Variants in RFX4 observed in about 807,000 individuals in gnomAD.
The protein encoded by RFX4 is regulatory factor X4.
RFX4 carries 10 observed loss-of-function variants against 95.0 expected under a neutral mutation model. That is an observed-to-expected ratio of 0.11 (90% CI 0.06 to 0.18). The LOEUF (loss-of-function observed/expected upper bound fraction) is 0.18. Among genes scored for constraint, RFX4 ranks in the 10% least tolerant of loss-of-function variants. The pLI is 1.00. For synonymous variants in RFX4, 321 were observed against 340.7 expected (o/e 0.94, Z 0.64); for missense variants, 640 against 922.0 (o/e 0.69, Z 3.96).
At chr12:106,734,903 G>A (rs2042681157) in intron 15 of RFX4, among the ~76,000 whole-genome samples, 1 of 151,906 alleles carries the variant, frequency 6.6e-6, no homozygotes, top group Admixed American at 6.6e-5. Context: ...CTCTACACAA[G>A]CTTTTTAAAA....
chr12:106,733,284 A>C lies in RFX4; in HGVS notation c.1633+199A>C, dbSNP rs2042648212. On this transcript the variant is annotated intron_variant, in intron 15 of 17. Transcript: ENST00000392842. ...CCAGGAGCTACGATCGCACCACTGCATTCTAGCCTTAGTGATACAGTGAGA... is the reference window on the plus strand; with the variant it reads ...CCAGGAGCTACGATCGCACCACTGCCTTCTAGCCTTAGTGATACAGTGAGA... The C allele has an allele frequency of 2.6e-5, 14 of 547,190 alleles. No individual in the cohort carries two copies. In the South Asian group the frequency reaches 3.3e-4, roughly 13 times the overall value. The allele number at this position is 547,190 out of a possible 1,614,324, so 33.9% of individuals were successfully genotyped here. A position where few individuals can be genotyped will look rare whatever the true frequency, so the allele number is the denominator to read the frequency against.
Position 106,583,386 on chromosome 12 carries a change from G to T in RFX4, c.43+23G>T, listed in dbSNP as rs73390190. ...CAGGTTAGTCCTACTGGCGGGGTTG[G>T]GGGGATACATTGGGAGGGAAGGAGA... On this transcript the variant is annotated intron_variant, in intron 1 of 17. Transcript: ENST00000392842. 4.1e-4 allele frequency: 632 copies of T among 1,553,266 alleles called. 4 individuals carry two copies. In the African/African-American group the frequency reaches 7.9e-3, roughly 19 times the overall value.
chr12:106,710,531 A>G (rs2042172669), intron 9 of RFX4, among the ~76,000 whole-genome samples: 1 of 152,176 alleles, frequency 6.6e-6, no homozygotes, highest in Non-Finnish European at 1.5e-5. Context: ...CTCTGAGTAC[A>G]AATTAGAATA....
At chr12:106,614,952 T>C (rs559305317) in intron 2 of RFX4, among the ~76,000 whole-genome samples, 9 of 152,238 alleles carry the variant, frequency 5.9e-5, no homozygotes, top group Non-Finnish European at 1.2e-4. Flanking sequence ...GTTGCTTTTA[T>C]ATTCTCATAA....
At chr12:106,697,139 T>C (rs2041896179) in intron 8 of RFX4, among the ~76,000 whole-genome samples, 1 of 152,138 alleles carries the variant, frequency 6.6e-6, no homozygotes. Flanking sequence ...AGGCTGTCCT[T>C]GGGCACAGAG....
At chr12:106,747,306 C>A in intron 15 of RFX4, 131 bp from the exon 16 acceptor site, 1 of 930,620 alleles carries the variant, frequency 1.1e-6, no homozygotes, top group South Asian at 1.6e-5. Flanking sequence ...GTGAGCTCAG[C>A]AGAGTCAGAG....
At chr12:106,620,820 G>A (rs923028252) in intron 2 of RFX4, among the ~76,000 whole-genome samples, 1 of 151,892 alleles carries the variant, frequency 6.6e-6, no homozygotes, top group South Asian at 2.1e-4. Flanking sequence ...CTCCCAGAGC[G>A]GCTGTTTATA....
intron 1 of RFX4, chr12:106,601,282 CA>C: frequency 1.9e-6 from 3 of 1,591,330 alleles, no homozygotes; most frequent in South Asian, 1.1e-5. Context: ...ACAGAATGAT[CA>C]AAAGGAGAGC....
intron 13 of RFX4, among the ~76,000 whole-genome samples, chr12:106,725,848 A>G (rs763421688): frequency 1.3e-5 from 2 of 152,222 alleles, no homozygotes; most frequent in African/African-American, 4.8e-5. Context: ...CTCCAAAAAA[A>G]ATTAGGCATA....
chr12:106,607,931 G>A (rs896838996), intron 1 of RFX4, among the ~76,000 whole-genome samples: 7 of 152,264 alleles, frequency 4.6e-5, no homozygotes, highest in African/African-American at 1.2e-4. Flanking sequence ...CATGGCTCAC[G>A]CTTGTAATCC....
chr12:106,695,325 T>C (rs1474916775), intron 7 of RFX4, among the ~76,000 whole-genome samples: 1 of 152,240 alleles, frequency 6.6e-6, no homozygotes, highest in Admixed American at 6.5e-5. Flanking sequence ...AGCTGAAGTC[T>C]AGATTTTCTC....
intron 2 of RFX4, among the ~76,000 whole-genome samples, chr12:106,636,951 TC>T (rs1470030818): frequency 6.6e-6 from 1 of 152,128 alleles, no homozygotes; most frequent in African/African-American, 2.4e-5. Context: ...TATTGTGTCA[TC>T]TCATAGCCAC....
intron 5 of RFX4, 133 bp from the exon 6 acceptor site, chr12:106,686,751 A>C: frequency 1.4e-6 from 1 of 730,462 alleles, no homozygotes; most frequent in Non-Finnish European, 2.3e-6. Flanking sequence ...TTCTATCCCC[A>C]GGTAGGATGG....
intron 4 of RFX4, 39 bp downstream of exon 4, chr12:106,654,390 C>A (rs1405170019): frequency 1.3e-6 from 2 of 1,585,032 alleles, no homozygotes; most frequent in Non-Finnish European, 1.7e-6. Context: ...CCCTACCACC[C>A]CAACTTTAAG....
intron 10 of RFX4, among the ~76,000 whole-genome samples, chr12:106,711,792 G>T (rs1442161351): frequency 2.6e-5 from 4 of 152,242 alleles, no homozygotes; most frequent in African/African-American, 9.6e-5. Context: ...TGTATGTAGT[G>T]GTTGAATCAA....
intron 15 of RFX4, among the ~76,000 whole-genome samples, chr12:106,734,881 T>G (rs1405350940): frequency 6.6e-6 from 1 of 150,730 alleles, no homozygotes; most frequent in Non-Finnish European, 1.5e-5. Context: ...GCCAATATAT[T>G]GAGACCCCCA....
intron 2 of RFX4, among the ~76,000 whole-genome samples, chr12:106,617,304 C>A (rs1447835985): frequency 6.6e-6 from 1 of 152,070 alleles, no homozygotes; most frequent in Admixed American, 6.5e-5. Context: ...AATTTGCTGT[C>A]TTTTTCTAGC....
At chr12:106,747,328 A>G (rs974015148) in intron 15 of RFX4, 109 bp from the exon 16 acceptor site, 4 of 1,187,280 alleles carry the variant, frequency 3.4e-6, no homozygotes, top group Non-Finnish European at 4.8e-6. Flanking sequence ...TACATGTCTT[A>G]TAAAGATTTT....
At chr12:106,597,579 G>T (rs1405241783) in intron 1 of RFX4, among the ~76,000 whole-genome samples, 1 of 152,222 alleles carries the variant, frequency 6.6e-6, no homozygotes, top group Non-Finnish European at 1.5e-5. Context: ...TTTTACAGAT[G>T]AAGAACCGAA....
Sources: allele counts gnomAD v4.1 joint callset (sites outside exome capture counted in the v4.1 genomes callset), GRCh38; gene constraint gnomAD v4.1.1; transcripts MANE v1.5; gene names NCBI Gene and HGNC (gene_info 2026-07-23, HGNC 2026-07-21).